The following CNTNAP4 variants were observed in gnomAD, a reference collection of about 807,000 sequenced individuals.
CNTNAP4 encodes contactin-associated protein-like 4.
CNTNAP4 carries 98 observed loss-of-function variants against 148.4 expected under a neutral mutation model. The ratio of observed to expected loss-of-function variants is 0.66; its 90% CI spans 0.56 to 0.78. The LOEUF (loss-of-function observed/expected upper bound fraction) is 0.78, where lower values mean the gene tolerates loss of function less well. Among genes scored for constraint, CNTNAP4 ranks in the 30% least tolerant of loss-of-function variants. CNTNAP4 has a pLI of 0.00. For missense variants in CNTNAP4, 1,935 were observed against 1,565.6 expected, an observed-to-expected ratio of 1.24 and a Z score of -3.98; for synonymous variants, 730 against 565.1, an observed-to-expected ratio of 1.29 and a Z score of -4.14.
intron 3 of CNTNAP4, among the ~76,000 whole-genome samples, chr16:76,420,012 T>A (rs1358877581): frequency 6.6e-6 from 1 of 151,970 alleles, no homozygotes; most frequent in Admixed American, 6.6e-5. Context: ...AACATAGAAT[T>A]TTGAGAGGGT....
At chr16:76,393,602 C>T (rs1295699392) in intron 3 of CNTNAP4, among the ~76,000 whole-genome samples, 2 of 151,874 alleles carry the variant, frequency 1.3e-5, no homozygotes, top group Non-Finnish European at 2.9e-5. Flanking sequence ...CAGAGAGTGC[C>T]CTAACTGCCT....
intron 12 of CNTNAP4, among the ~76,000 whole-genome samples, chr16:76,484,957 C>G (rs903842091): frequency 6.6e-6 from 1 of 152,034 alleles, no homozygotes; most frequent in African/African-American, 2.4e-5. Context: ...GCATTATAAG[C>G]TAAAATCTAC....
At chr16:76,327,779 G>A (rs1262427763) in intron 2 of CNTNAP4, among the ~76,000 whole-genome samples, 1 of 152,206 alleles carries the variant, frequency 6.6e-6, no homozygotes, top group Admixed American at 6.5e-5. Flanking sequence ...CTGATGGACA[G>A]AAACTTTCTG....
At chr16:76,390,218 A>T (rs955547303) in intron 3 of CNTNAP4, among the ~76,000 whole-genome samples, 2 of 152,206 alleles carry the variant, frequency 1.3e-5, no homozygotes, top group African/African-American at 4.8e-5. Context: ...CTTCAGCAAG[A>T]TGTTTCTGAA....
chr16:76,424,846 T>C (rs966371050), intron 3 of CNTNAP4, among the ~76,000 whole-genome samples: 1 of 152,144 alleles, frequency 6.6e-6, no homozygotes, highest in African/African-American at 2.4e-5. Flanking sequence ...GCTCAGGCTA[T>C]GAGCGCTGAG....
At chr16:76,495,149 A>G in intron 14 of CNTNAP4, 83 bp downstream of exon 14, 2 of 1,434,922 alleles carry the variant, frequency 1.4e-6, no homozygotes, top group Non-Finnish European at 1.9e-6. Context: ...CTAGCCAGAT[A>G]CTGAACAAGT....
At chr16:76,479,329 AT>A in intron 11 of CNTNAP4, 89 bp from the exon 12 acceptor site, 2 of 1,200,500 alleles carry the variant, frequency 1.7e-6, no homozygotes, top group South Asian at 3.8e-5. Context: ...TACATTTTAA[AT>A]TTCAAGATTT....
intron 8 of CNTNAP4, among the ~76,000 whole-genome samples, chr16:76,457,179 G>C (rs1159607566): frequency 6.6e-6 from 1 of 152,150 alleles, no homozygotes; most frequent in Admixed American, 6.5e-5. Flanking sequence ...TGCGGCCCTT[G>C]AAAAGGGCCA....
intron 7 of CNTNAP4, 42 bp downstream of exon 7, chr16:76,449,900 T>A: frequency 6.5e-7 from 1 of 1,528,284 alleles, no homozygotes; most frequent in South Asian, 1.3e-5. Flanking sequence ...ACTATATTTC[T>A]TTTTTCCACA....
chr16:76,391,471 G>A (rs2016987991), intron 3 of CNTNAP4, among the ~76,000 whole-genome samples: 1 of 152,100 alleles, frequency 6.6e-6, no homozygotes, highest in African/African-American at 2.4e-5. Context: ...AAAATATCCT[G>A]TTATGCAAAA....
intron 14 of CNTNAP4, among the ~76,000 whole-genome samples, chr16:76,496,080 T>G (rs12922988): frequency 7.4e-6 from 1 of 135,012 alleles, no homozygotes; most frequent in Non-Finnish European, 1.6e-5. Context: ...AACATCAAGA[T>G]TATGTTGTGT....
At chr16:76,525,186 G>A (rs2083664632) in intron 17 of CNTNAP4, among the ~76,000 whole-genome samples, 1 of 151,942 alleles carries the variant, frequency 6.6e-6, no homozygotes, top group Non-Finnish European at 1.5e-5. Context: ...AAGAAAAATT[G>A]TAACTGGAGA....
At chr16:76,375,322 T>C (rs577884652) in intron 3 of CNTNAP4, among the ~76,000 whole-genome samples, 1 of 152,076 alleles carries the variant, frequency 6.6e-6, no homozygotes, top group Non-Finnish European at 1.5e-5. Flanking sequence ...CTGGGGAGGC[T>C]GAGGCAAGAG....
chr16:76,439,802 TA>T (rs1195402225), intron 4 of CNTNAP4, among the ~76,000 whole-genome samples: 1 of 152,146 alleles, frequency 6.6e-6, no homozygotes, highest in East Asian at 1.9e-4. Context: ...GTTTTAAACT[TA>T]AGAGTCCTTA....
chr16:76,418,742 T>C (rs2079076518), intron 3 of CNTNAP4, among the ~76,000 whole-genome samples: 1 of 148,542 alleles, frequency 6.7e-6, no homozygotes, highest in South Asian at 2.1e-4. Flanking sequence ...TTTTTTTTTC[T>C]TACTTTTTGC....
At chr16:76,330,698 T>C (rs896193622) in intron 2 of CNTNAP4, among the ~76,000 whole-genome samples, 6 of 152,246 alleles carry the variant, frequency 3.9e-5, no homozygotes, top group African/African-American at 1.2e-4. Context: ...CTATTTCTTA[T>C]ACTTATTAGA....
intron 12 of CNTNAP4, among the ~76,000 whole-genome samples, chr16:76,481,134 G>A (rs1029070128): frequency 2.0e-5 from 3 of 152,186 alleles, no homozygotes; most frequent in African/African-American, 7.2e-5. Context: ...GCATTGATAT[G>A]TAATGAAGGA....
chr16:76,302,588 T>G (rs913733648), intron 1 of CNTNAP4, among the ~76,000 whole-genome samples: 1 of 152,154 alleles, frequency 6.6e-6, no homozygotes, highest in African/African-American at 2.4e-5. Flanking sequence ...TCTCCCCTGA[T>G]TAGGTCAACC....
At chr16:76,479,376 T>G (rs1288078995) in intron 11 of CNTNAP4, 43 bp from the exon 12 acceptor site, 1 of 1,503,048 alleles carries the variant, frequency 6.7e-7, no homozygotes, top group Non-Finnish European at 9.0e-7. Flanking sequence ...GTTAAGAGAT[T>G]CATTTCATGC....
Sources: gnomAD v4.1 joint callset for allele counts (sites outside exome capture counted in the v4.1 genomes callset) on GRCh38, gnomAD v4.1.1 for gene constraint, MANE v1.5 for transcripts, NCBI Gene and HGNC (gene_info 2026-07-23, HGNC 2026-07-21) for gene names.